The following DACH1 variants were observed in gnomAD, a reference collection of about 807,000 sequenced individuals.
The protein encoded by DACH1 is dachshund homolog 1.
Under a neutral mutation model 54.2 loss-of-function variants are expected in DACH1, and 12 were observed. The observed-to-expected ratio is 0.22, with a 90% CI of 0.14 to 0.36. DACH1 has a LOEUF of 0.36. Ranked by LOEUF, DACH1 falls within the 10% of genes least tolerant of loss-of-function variation. The pLI is 1.00. For missense variants in DACH1, 805 were observed against 929.8 expected (o/e 0.87, Z 1.75); for synonymous variants, 386 against 366.2 (o/e 1.05, Z -0.62).
At chr13:71,733,991 C>G (rs1246639092) in intron 1 of DACH1, among the ~76,000 whole-genome samples, 1 of 151,710 alleles carries the variant, frequency 6.6e-6, no homozygotes, top group African/African-American at 2.4e-5. Context: ...GGAGGTTGCA[C>G]TGAGCTGAGA....
intron 1 of DACH1, among the ~76,000 whole-genome samples, chr13:71,808,870 TA>T (rs1304161303): frequency 6.6e-6 from 1 of 152,108 alleles, no homozygotes; most frequent in Admixed American, 6.6e-5. Context: ...ACCCTCCTAG[TA>T]AAAAGGGTAC....
rs968571058 is a variant in DACH1, at chr13:71,840,106, C to T, written c.848+25816G>A. On this transcript the variant is annotated intron_variant, in intron 1 of 10. Coordinates refer to ENST00000613252, the MANE Select transcript of DACH1 (RefSeq NM_080759.6). ...GAATTACAGGTGCGCACCACCACAC[C>T]CAGCTAAGTTTTTCTATTTTTAGTA... Among the ~76,000 whole-genome samples, 3 of 151,978 alleles carry T rather than the reference C, an allele frequency of 2.0e-5. No homozygotes were observed. In the South Asian group the frequency reaches 6.2e-4, roughly 31 times the overall value.
intron 2 of DACH1, among the ~76,000 whole-genome samples, chr13:71,680,399 C>T (rs1880830080): frequency 6.6e-6 from 1 of 151,980 alleles, no homozygotes. Context: ...TCCAAGTGTT[C>T]AAGACCAGAC....
chr13:71,537,719 C>A (rs529795223), intron 6 of DACH1, among the ~76,000 whole-genome samples: 1 of 152,198 alleles, frequency 6.6e-6, no homozygotes, highest in Admixed American at 6.6e-5. Flanking sequence ...CACTAAACTT[C>A]AATTTTGTCT....
intron 3 of DACH1, among the ~76,000 whole-genome samples, chr13:71,623,689 C>T (rs1876419394): frequency 6.6e-6 from 1 of 151,340 alleles, no homozygotes; most frequent in Non-Finnish European, 1.5e-5. Flanking sequence ...ATTTTAGAGC[C>T]AACAGAGAAA....
chr13:71,864,148 C>A (rs1874539212), intron 1 of DACH1, among the ~76,000 whole-genome samples: 1 of 146,340 alleles, frequency 6.8e-6, no homozygotes. Context: ...TTTACTGCCA[C>A]CTGTCCATAC....
At chr13:71,767,565 T>C (rs538752000) in intron 1 of DACH1, among the ~76,000 whole-genome samples, 6 of 152,146 alleles carry the variant, frequency 3.9e-5, no homozygotes, top group African/African-American at 1.4e-4. Flanking sequence ...AACCATAATG[T>C]TATAGTTCAA....
chr13:71,823,475 C>T (rs1412839262), intron 1 of DACH1, among the ~76,000 whole-genome samples: 2 of 152,004 alleles, frequency 1.3e-5, no homozygotes, highest in Admixed American at 6.6e-5. Flanking sequence ...TTCACTGATG[C>T]ACTGAGAAAT....
intron 2 of DACH1, among the ~76,000 whole-genome samples, chr13:71,676,787 T>C (rs1045108918): frequency 3.9e-5 from 6 of 152,196 alleles, no homozygotes; most frequent in South Asian, 2.1e-4. Flanking sequence ...TCCAAAACGA[T>C]AAATTTGCAA....
At chr13:71,811,714 C>A (rs552501353) in intron 1 of DACH1, among the ~76,000 whole-genome samples, 1 of 152,190 alleles carries the variant, frequency 6.6e-6, no homozygotes, top group Non-Finnish European at 1.5e-5. Context: ...GAGCAAGTAA[C>A]ATGAAGGTAA....
chr13:71,853,043 T>C (rs1176712904), intron 1 of DACH1, among the ~76,000 whole-genome samples: 2 of 152,216 alleles, frequency 1.3e-5, no homozygotes, highest in East Asian at 3.8e-4. Context: ...GGTATTAATA[T>C]GATTAGGCAA....
At chr13:71,681,324 A>G (rs1362545916) in intron 2 of DACH1, among the ~76,000 whole-genome samples, 2 of 152,202 alleles carry the variant, frequency 1.3e-5, no homozygotes, top group African/African-American at 4.8e-5. Flanking sequence ...ATAGAAACGT[A>G]TTAGTTTGTG....
Position 71,801,111 on chromosome 13 carries a change from C to T in DACH1, c.848+64811G>A, listed in dbSNP as rs144990841. On this transcript the variant is annotated intron_variant, in intron 1 of 10. Coordinates refer to ENST00000613252, the MANE Select transcript of DACH1 (RefSeq NM_080759.6). ...AGACTTTGGAGAATCCACTCTTTTC[C>T]CTTGAAGTCCTCCATCCCTAAATTC... Among the ~76,000 whole-genome samples, 588 of 152,238 alleles carry T rather than the reference C, an allele frequency of 3.9e-3. 2 individuals are homozygous for T. Among genetic ancestry groups the T allele is most frequent in the African/African-American group, 0.013 (550 of 41,562 alleles).
chr13:71,790,862 G>A (rs1318965247), intron 1 of DACH1, among the ~76,000 whole-genome samples: 1 of 152,156 alleles, frequency 6.6e-6, no homozygotes, highest in Non-Finnish European at 1.5e-5. Flanking sequence ...TTCTACAGCT[G>A]CATCAAAGCA....
chr13:71,726,860 C>G (rs2137899684), intron 1 of DACH1, among the ~76,000 whole-genome samples: 1 of 151,886 alleles, frequency 6.6e-6, no homozygotes, highest in South Asian at 2.1e-4. Flanking sequence ...GTTTTAATAA[C>G]TTTCTCAGAA....
At chr13:71,502,327 C>T (rs1879985245) in intron 6 of DACH1, among the ~76,000 whole-genome samples, 1 of 152,110 alleles carries the variant, frequency 6.6e-6, no homozygotes, top group African/African-American at 2.4e-5. Context: ...ACTCCAGAAT[C>T]TTCCCAGATG....
intron 10 of DACH1, among the ~76,000 whole-genome samples, chr13:71,466,622 C>T (rs1566276072): frequency 6.6e-6 from 1 of 152,146 alleles, no homozygotes; most frequent in African/African-American, 2.4e-5. Flanking sequence ...GCAAGTGGAT[C>T]GCTTGAGCTC....
intron 1 of DACH1, among the ~76,000 whole-genome samples, chr13:71,794,279 G>A (rs1886951833): frequency 1.3e-5 from 2 of 152,118 alleles, no homozygotes; most frequent in South Asian, 2.1e-4. Context: ...TCTCCCATAT[G>A]TATAGTTATT....
chr13:71,474,632 T>C (rs1432276568), intron 10 of DACH1, among the ~76,000 whole-genome samples: 3 of 152,204 alleles, frequency 2.0e-5, no homozygotes, highest in Non-Finnish European at 2.9e-5. Flanking sequence ...TATTAAAGTG[T>C]ATATAATGGC....
Sources: gnomAD v4.1 joint callset for allele counts (sites outside exome capture counted in the v4.1 genomes callset) on GRCh38, gnomAD v4.1.1 for gene constraint, MANE v1.5 for transcripts, NCBI Gene and HGNC (gene_info 2026-07-23, HGNC 2026-07-21) for gene names.